ITPR2: variants seen among roughly 807,000 people sequenced by gnomAD.
ITPR2 encodes inositol 1,4,5-trisphosphate receptor type 2.
Under a neutral mutation model 317.1 loss-of-function variants are expected in ITPR2, and 207 were observed. The observed-to-expected ratio is 0.65, with a 90% CI of 0.58 to 0.73. ITPR2 has a LOEUF of 0.73. Among genes scored for constraint, ITPR2 ranks in the 30% least tolerant of loss-of-function variants. The pLI is 0.00. For missense variants in ITPR2, 2,613 were observed against 3,284.0 expected, an observed-to-expected ratio of 0.80 and a Z score of 4.99; for synonymous variants, 1,156 against 1,149.1, an observed-to-expected ratio of 1.01 and a Z score of -0.12.
chr12:26,522,723 T>C (rs1387472701), intron 37 of ITPR2, among the ~76,000 whole-genome samples: 1 of 152,252 alleles, frequency 6.6e-6, no homozygotes, highest in East Asian at 1.9e-4. Context: ...AATTCTGGGT[T>C]TTAGTACATA....
chr12:26,467,042 A>G (rs1265030191), intron 45 of ITPR2, among the ~76,000 whole-genome samples: 2 of 152,250 alleles, frequency 1.3e-5, no homozygotes, highest in Non-Finnish European at 2.9e-5. Flanking sequence ...ACTACATATT[A>G]GCATAAGAAA....
chr12:26,478,601 T>G (rs1942469399), intron 43 of ITPR2, among the ~76,000 whole-genome samples: 1 of 152,164 alleles, frequency 6.6e-6, no homozygotes, highest in African/African-American at 2.4e-5. Flanking sequence ...CTTTTCTATA[T>G]TATGTCAGAA....
intron 32 of ITPR2, among the ~76,000 whole-genome samples, chr12:26,583,479 T>C (rs1159999400): frequency 1.3e-5 from 2 of 152,084 alleles, no homozygotes; most frequent in Non-Finnish European, 2.9e-5. Context: ...CTGTTATTTA[T>C]TTTGTTCATT....
chr12:26,371,235 C>T (rs1183613068), intron 55 of ITPR2, among the ~76,000 whole-genome samples: 1 of 152,176 alleles, frequency 6.6e-6, no homozygotes, highest in African/African-American at 2.4e-5. Context: ...CTTCTTTTTC[C>T]CTTTCTCCTA....
intron 33 of ITPR2, 79 bp downstream of exon 33, chr12:26,579,947 CT>C: frequency 8.5e-7 from 1 of 1,179,836 alleles, no homozygotes; most frequent in Non-Finnish European, 1.2e-6. Context: ...TAGGAGATGA[CT>C]TCCTGACCAG....
intron 55 of ITPR2, among the ~76,000 whole-genome samples, chr12:26,344,213 C>T (rs750323942): frequency 5.3e-5 from 8 of 152,152 alleles, no homozygotes; most frequent in East Asian, 1.9e-4. Flanking sequence ...CCCAGTCTCA[C>T]GTATTCTGTT....
At chr12:26,724,899 C>T (rs1478770795) in intron 3 of ITPR2, among the ~76,000 whole-genome samples, 157 bp from the exon 4 acceptor site, 1 of 152,048 alleles carries the variant, frequency 6.6e-6, no homozygotes, top group Non-Finnish European at 1.5e-5. Flanking sequence ...TTTTGTTTTG[C>T]TTTATGTTTC....
At chr12:26,515,252 A>T (rs1029083682) in intron 37 of ITPR2, among the ~76,000 whole-genome samples, 11 of 152,240 alleles carry the variant, frequency 7.2e-5, no homozygotes, top group Non-Finnish European at 1.3e-4. Context: ...CCAAATTCTA[A>T]TACTAAAGTT....
intron 32 of ITPR2, among the ~76,000 whole-genome samples, chr12:26,590,546 C>T (rs561191459): frequency 1.3e-5 from 2 of 152,178 alleles, no homozygotes; most frequent in Admixed American, 6.5e-5. Flanking sequence ...ATAAATAGTG[C>T]GAGGAAAACT....
intron 32 of ITPR2, among the ~76,000 whole-genome samples, chr12:26,593,115 G>A (rs1945749546): frequency 6.6e-6 from 1 of 152,188 alleles, no homozygotes. Flanking sequence ...CTCTGGTCTG[G>A]CTAAATCTTT....
intron 45 of ITPR2, among the ~76,000 whole-genome samples, chr12:26,463,957 T>G (rs922924785): frequency 1.3e-5 from 2 of 152,180 alleles, no homozygotes; most frequent in African/African-American, 4.8e-5. Flanking sequence ...ATATTTTCCC[T>G]ATGATGAAAA....
At position 26,338,461 on chromosome 12, in the gene ITPR2, A is replaced by C. The variant is rs1937992972; in HGVS notation, c.*936T>G. 1 of 152,662 alleles carries C rather than the reference A, an allele frequency of 6.6e-6. No homozygotes were observed. Among genetic ancestry groups the C allele is most frequent in the Non-Finnish European group, 1.5e-5 (1 of 68,050 alleles). 9.5% of individuals were successfully genotyped at this position (152,662 alleles called of 1,614,324 possible). On this transcript the variant is annotated 3_prime_UTR_variant, in exon 57 of 57. Transcript: ENST00000381340. ...TGAAGCAATTCTTTAAGCACAGCAA[A>C]CGTTGAGTCAAATGGCTTTCACTCC...
At chr12:26,731,432 T>C (rs181641198) in intron 2 of ITPR2, among the ~76,000 whole-genome samples, 3 of 152,158 alleles carry the variant, frequency 2.0e-5, no homozygotes, top group East Asian at 3.9e-4. Flanking sequence ...AATGATAAAA[T>C]GGAAAGTGGT....
intron 1 of ITPR2, among the ~76,000 whole-genome samples, chr12:26,827,225 A>T (rs1592164507): frequency 6.6e-6 from 1 of 152,236 alleles, no homozygotes; most frequent in East Asian, 1.9e-4. Context: ...TTAGATGAAA[A>T]TTTAAATTAG....
rs1943874998 is a variant in ITPR2 at position 26,528,814 on chromosome 12, T to C, written c.5073+21433A>G. Among the ~76,000 whole-genome samples the C allele has an allele frequency of 2.0e-5, 3 of 152,338 alleles. No homozygotes were observed. The South Asian group carries it at 6.2e-4, about 32-fold the overall frequency. On this transcript the variant is annotated intron_variant, in intron 37 of 56. Transcript: ENST00000381340. Reference sequence around the variant, plus strand: ...AGTTCTGTACTGAACCCATTTGCTGTGCTGTGTTGTGCACTGGAGGCACAG... The same window carrying C: ...AGTTCTGTACTGAACCCATTTGCTGCGCTGTGTTGTGCACTGGAGGCACAG...
intron 51 of ITPR2, among the ~76,000 whole-genome samples, chr12:26,412,783 TTGTC>T (rs1940591838): frequency 6.6e-6 from 1 of 152,014 alleles, no homozygotes; most frequent in Admixed American, 6.6e-5. Flanking sequence ...CAGGTACAAT[TTGTC>T]TGACAAAAGG....
Position 26,621,124 on chromosome 12 carries a change from T to A in ITPR2, c.3461A>T (p.Glu1154Val). 2 of 1,611,980 alleles carry A rather than the reference T, an allele frequency of 1.2e-6. No individual in the cohort carries two copies. Among genetic ancestry groups the A allele is most frequent in the Non-Finnish European group, 1.7e-6 (2 of 1,178,982 alleles). ...TTCGAAATAGATCTTGAAACGAACC[T>A]CAATTGGCTCTTCACCACCTTTCAC... Reference protein sequence around the residue: ...SQVKGGEEPIEESNILSPVQD... With the variant: ...SQVKGGEEPIVESNILSPVQD... The change falls in exon 26 of 57, where the codon GAG becomes GTG. Residue 1154 changes from glutamate to valine, a missense_variant and splice_region_variant. By Grantham distance (121) the Glu-to-Val change is moderately radical. Transcript: ENST00000381340.
At chr12:26,537,699 A>T (rs1358781915) in intron 37 of ITPR2, among the ~76,000 whole-genome samples, 1 of 152,212 alleles carries the variant, frequency 6.6e-6, no homozygotes, top group African/African-American at 2.4e-5. Flanking sequence ...GCTCATTTAC[A>T]TATCACATTT....
In ITPR2 at chr12:26,340,216, A is replaced by G. The variant is rs1467257509; in HGVS notation, c.7970T>C (p.Met2657Thr). The change falls in exon 56 of 57, where the codon ATG becomes ACG. Residue 2657 changes from methionine (M) to threonine (T), a missense_variant. Met to Thr is a moderately conservative substitution (Grantham distance 81, BLOSUM62 -1). Transcript: ENST00000381340. ...RSLQEKLEST[M>T]SLVKQLSGQL... ...ACCCGACAGCTGTTTGACCAGACTC[A>G]TGGTCGATTCCAACTTCTCCTGAAG... 3.1e-6 allele frequency: 5 copies of G among 1,610,258 alleles called. No individual in the cohort carries two copies. Among genetic ancestry groups the G allele is most frequent in the Non-Finnish European group, 4.2e-6 (5 of 1,178,454 alleles).
Sources: gnomAD v4.1 joint callset for allele counts (sites outside exome capture counted in the v4.1 genomes callset) on GRCh38, gnomAD v4.1.1 for gene constraint, MANE v1.5 for transcripts, NCBI Gene and HGNC (gene_info 2026-07-23, HGNC 2026-07-21) for gene names.